Variants in CDH12 observed in about 807,000 individuals in gnomAD.
CDH12 encodes the protein cadherin-12.
Under a neutral mutation model 74.1 loss-of-function variants are expected in CDH12, and 41 were observed. The ratio of observed to expected loss-of-function variants is 0.55; its 90% CI spans 0.43 to 0.72. CDH12 has a LOEUF of 0.72. CDH12 is among the 30% of genes least tolerant of loss of function. CDH12 has a pLI of 0.00. For synonymous variants in CDH12, 399 were observed against 355.0 expected (o/e 1.12, Z -1.39); for missense variants, 945 against 977.2 (o/e 0.97, Z 0.44).
intron 1 of CDH12, among the ~76,000 whole-genome samples, chr5:22,567,487 T>C (rs1381443829): frequency 1.3e-5 from 2 of 152,222 alleles, no homozygotes; most frequent in Non-Finnish European, 2.9e-5. Context: ...AGTTTTCCCG[T>C]GTCTTTCAAG....
chr5:22,798,709 A>G (rs1421213062), intron 1 of CDH12, among the ~76,000 whole-genome samples: 7 of 152,240 alleles, frequency 4.6e-5, no homozygotes, highest in Non-Finnish European at 5.9e-5. Context: ...TATATATTAC[A>G]AATGAATATT....
At chr5:22,561,676 C>T (rs1739055573) in intron 1 of CDH12, among the ~76,000 whole-genome samples, 1 of 152,048 alleles carries the variant, frequency 6.6e-6, no homozygotes, top group Admixed American at 6.6e-5. Context: ...AAGGCGAGGG[C>T]AGCATTTTTT....
intron 1 of CDH12, among the ~76,000 whole-genome samples, chr5:22,766,442 G>A (rs764158685): frequency 6.6e-6 from 1 of 151,998 alleles, no homozygotes; most frequent in Non-Finnish European, 1.5e-5. Flanking sequence ...TTATCAATAA[G>A]GGTAAATTAT....
At chr5:21,983,903 G>T (rs1181127311) in intron 5 of CDH12, among the ~76,000 whole-genome samples, 2 of 152,062 alleles carry the variant, frequency 1.3e-5, no homozygotes, top group Non-Finnish European at 2.9e-5. Flanking sequence ...ATTTCTTTAA[G>T]TGTTCTTTTA....
At chr5:22,074,946 C>A (rs1424367624) in intron 5 of CDH12, among the ~76,000 whole-genome samples, 4 of 151,992 alleles carry the variant, frequency 2.6e-5, no homozygotes, top group Admixed American at 2.6e-4. Context: ...TTGATCCAGC[C>A]ATCCCATTAC....
At chr5:21,904,000 T>C (rs770525750) in intron 6 of CDH12, among the ~76,000 whole-genome samples, 2 of 152,140 alleles carry the variant, frequency 1.3e-5, no homozygotes, top group Non-Finnish European at 2.9e-5. Flanking sequence ...TCCTGCATGA[T>C]GGATGAAAAT....
chr5:22,152,873 C>G (rs913326220), intron 4 of CDH12, among the ~76,000 whole-genome samples: 5 of 152,334 alleles, frequency 3.3e-5, no homozygotes, highest in African/African-American at 4.8e-5. Flanking sequence ...ATTTGTCTCT[C>G]TGTTCCTAGC....
At chr5:21,962,497 T>C (rs1756403385) in intron 6 of CDH12, among the ~76,000 whole-genome samples, 3 of 152,190 alleles carry the variant, frequency 2.0e-5, no homozygotes, top group Non-Finnish European at 4.4e-5. Context: ...AATATATATC[T>C]GTTCATTTCA....
chr5:22,726,644 T>C lies in CDH12; in HGVS notation c.-523+126414A>G, dbSNP rs1744177798. 2.0e-5 allele frequency among the ~76,000 whole-genome samples: 3 copies of C among 151,832 alleles called. No individual in the cohort carries two copies. The South Asian group carries it at 6.2e-4, about 31-fold the overall frequency. The stretch of plus-strand genomic sequence containing the variant: ...TTTGTTGTTGTTACTGTTTTATATT[T>C]TGGCCATTGTTATAAGTGTGTAGTG... On this transcript the variant is annotated intron_variant, in intron 1 of 14. Coordinates refer to ENST00000382254, the MANE Select transcript of CDH12 (RefSeq NM_004061.5).
chr5:22,838,712 G>A (rs1736950369), intron 1 of CDH12, among the ~76,000 whole-genome samples: 1 of 150,110 alleles, frequency 6.7e-6, no homozygotes, highest in Non-Finnish European at 1.5e-5. Flanking sequence ...GTCTCACTCT[G>A]TTGTCAGGTT....
chr5:21,803,817 GA>G (rs1261065251), intron 9 of CDH12, among the ~76,000 whole-genome samples: 1 of 152,088 alleles, frequency 6.6e-6, no homozygotes, highest in Non-Finnish European at 1.5e-5. Context: ...TACACCTGGG[GA>G]AAATAAAGGA....
Position 22,181,288 on chromosome 5 carries a change from T to C in CDH12, c.-187+31210A>G, listed in dbSNP as rs542362020. Among the ~76,000 whole-genome samples, 16 of 152,222 alleles carry C rather than the reference T, an allele frequency of 1.1e-4. No individual in the cohort carries two copies. The East Asian group carries it at 3.1e-3, about 30-fold the overall frequency. On this transcript the variant is annotated intron_variant, in intron 4 of 14. Transcript: ENST00000382254. ...AGCTTTTTTTTTGCATTCATATTCCTAGAGATACTTGATGACCCCCTTCAC... is the reference window on the plus strand; with the variant it reads ...AGCTTTTTTTTTGCATTCATATTCCCAGAGATACTTGATGACCCCCTTCAC...
intron 1 of CDH12, among the ~76,000 whole-genome samples, chr5:22,692,610 G>T (rs1742142176): frequency 6.6e-6 from 1 of 152,110 alleles, no homozygotes; most frequent in Non-Finnish European, 1.5e-5. Context: ...AATGGGACTG[G>T]GATAACAGCA....
chr5:22,422,273 G>C (rs2126498805), intron 2 of CDH12, among the ~76,000 whole-genome samples: 1 of 152,208 alleles, frequency 6.6e-6, no homozygotes, highest in South Asian at 2.1e-4. Flanking sequence ...TTAATACCTA[G>C]TTTAATGAGA....
intron 4 of CDH12, among the ~76,000 whole-genome samples, chr5:22,086,856 T>G (rs1743101449): frequency 1.3e-5 from 2 of 152,192 alleles, no homozygotes; most frequent in African/African-American, 4.8e-5. Context: ...ATCTTTATTT[T>G]TGTGGTGTGA....
chr5:22,396,853 C>A (rs541484055), intron 3 of CDH12, among the ~76,000 whole-genome samples: 1 of 152,222 alleles, frequency 6.6e-6, no homozygotes, highest in African/African-American at 2.4e-5. Context: ...GGCATGGTTT[C>A]TCTCCTACTG....
chr5:22,051,123 A>T (rs1213930544), intron 5 of CDH12, among the ~76,000 whole-genome samples: 1 of 152,130 alleles, frequency 6.6e-6, no homozygotes, highest in East Asian at 1.9e-4. Flanking sequence ...AAGTAGAGTG[A>T]TAATAAAACA....
At chr5:22,155,141 T>C (rs1747942629) in intron 4 of CDH12, among the ~76,000 whole-genome samples, 1 of 152,142 alleles carries the variant, frequency 6.6e-6, no homozygotes, top group Admixed American at 6.6e-5. Flanking sequence ...TGATTTCCCT[T>C]CTGCTTTCAA....
chr5:22,722,261 T>G, intron 1 of CDH12, among the ~76,000 whole-genome samples: 1 of 152,238 alleles, frequency 6.6e-6, no homozygotes, highest in East Asian at 1.9e-4. Context: ...GTCAGCATGC[T>G]TCTGCTCCAG....
Sources: gnomAD v4.1 joint callset for allele counts (sites outside exome capture counted in the v4.1 genomes callset) on GRCh38, gnomAD v4.1.1 for gene constraint, MANE v1.5 for transcripts, NCBI Gene and HGNC (gene_info 2026-07-23, HGNC 2026-07-21) for gene names.